UBAP1L: variants seen among roughly 807,000 people sequenced by gnomAD.
UBAP1L encodes the protein ubiquitin associated protein 1 like, also known as ubiquitin-associated protein 1-like.
In UBAP1L, 32 loss-of-function variants were observed where a neutral mutation model predicts 32.1. The ratio of observed to expected loss-of-function variants is 1.00; its 90% CI spans 0.75 to 1.34. UBAP1L has a LOEUF of 1.34. Ranked by LOEUF, UBAP1L falls within the 40% of genes most tolerant of loss-of-function variation. The pLI is 0.00. For synonymous variants in UBAP1L, 243 were observed against 250.2 expected (o/e 0.97, Z 0.27); for missense variants, 516 against 540.5 (o/e 0.95, Z 0.45).
chr15:65,102,535 C>T lies in UBAP1L; in HGVS notation c.270G>A (p.Ala90=). Residue 90 remains alanine (A), a synonymous_variant, in exon 3 of 6, where the codon GCG becomes GCA. Transcript: ENST00000559089. This position sits in a 1 kb window ranked among gnomAD's most constrained non-coding sequence, Gnocchi z 5.0. ...LVSPEHGLAP[A]PTTIRDPEAG... The stretch of plus-strand genomic sequence containing the variant: ...CCTCCGGGTCTCTGATTGTGGTGGG[C>T]GCAGGCGCCAGCCCATGTTCGGGGC... The T allele has an allele frequency of 6.6e-7, 1 of 1,512,316 alleles. No homozygotes were observed. Among genetic ancestry groups the T allele is most frequent in the Non-Finnish European group, 8.9e-7 (1 of 1,129,654 alleles). The allele number at this position is 1,512,316 out of a possible 1,614,324, so 93.7% of individuals were successfully genotyped here. A position where few individuals can be genotyped will look rare whatever the true frequency, so the allele number is the denominator to read the frequency against.
chr15:65,107,969 C>G (rs2087335262), intron 1 of UBAP1L, among the ~76,000 whole-genome samples: 1 of 147,870 alleles, frequency 6.8e-6, no homozygotes, highest in South Asian at 2.1e-4. Context: ...AATTCCATCA[C>G]TTTTTTTTTT....
At chr15:65,114,859 CA>C (rs1168613375) in intron 1 of UBAP1L, among the ~76,000 whole-genome samples, 1 of 152,146 alleles carries the variant, frequency 6.6e-6, no homozygotes, top group Admixed American at 6.6e-5. Flanking sequence ...TTCCAAAAGG[CA>C]AATGAACTCT....
intron 1 of UBAP1L, among the ~76,000 whole-genome samples, chr15:65,110,814 A>C (rs899143913): frequency 5.9e-5 from 9 of 152,140 alleles, no homozygotes; most frequent in Admixed American, 5.2e-4. Flanking sequence ...TTTTGCAAAC[A>C]ATCAGGGATT....
intron 4 of UBAP1L, chr15:65,097,514 C>A (rs1367166976): frequency 6.6e-6 from 1 of 152,304 alleles, no homozygotes; most frequent in Non-Finnish European, 1.5e-5. Context: ...CAGCTGGCCT[C>A]AACCCCAGTG....
chr15:65,104,816 G>A (rs1271027008), intron 2 of UBAP1L: 2 of 275,200 alleles, frequency 7.3e-6, no homozygotes, highest in Non-Finnish European at 7.4e-6. Context: ...GACCATCCTG[G>A]CCAACATAGT....
Position 65,106,298 on chromosome 15 carries a change from G to C in UBAP1L, c.-83C>G. ...AGAGAGAGTCGAGTCCTGAGGACCA[G>C]GCTCAGGCCTCAAATGGCCTCACTG... is the stretch of plus-strand genomic sequence containing the variant. On this transcript the variant is annotated 5_prime_UTR_variant, in exon 2 of 6. Coordinates refer to ENST00000559089, the MANE Select transcript of UBAP1L (RefSeq NM_001163692.2). The C allele has an allele frequency of 1.4e-6, 2 of 1,407,976 alleles. No homozygotes were observed. The highest frequency in any genetic ancestry group is 9.2e-7 in the Non-Finnish European group (1 of 1,081,334). 87.2% of individuals were successfully genotyped at this position (1,407,976 alleles called of 1,614,324 possible). A position where few individuals can be genotyped will look rare whatever the true frequency, so the allele number is the denominator to read the frequency against.
intron 4 of UBAP1L, chr15:65,095,498 G>C (rs909130109): frequency 1.3e-5 from 2 of 152,386 alleles, no homozygotes; most frequent in Non-Finnish European, 1.5e-5. Flanking sequence ...CATGGTGGCA[G>C]AAGGAGCTCA....
chr15:65,094,677 C>T lies in UBAP1L; in HGVS notation c.910-101G>A. 1 of 867,790 alleles carries T rather than the reference C, an allele frequency of 1.2e-6. No individual in the cohort carries two copies. The highest frequency in any genetic ancestry group is 1.9e-6 in the Non-Finnish European group (1 of 534,662). The allele number at this position is 867,790 out of a possible 1,614,324, so 53.8% of individuals were successfully genotyped here. On this transcript the variant is annotated intron_variant, in intron 4 of 5. Transcript: ENST00000559089. The surrounding 1 kb of genome is among the most constrained non-coding windows in gnomAD (Gnocchi z 4.2). ...CCAAGGGCCTGAGCTGAGGGCCAGG[C>T]AACAGGGCAAGCCACCACCTGCAGC...
intron 1 of UBAP1L, among the ~76,000 whole-genome samples, chr15:65,113,950 G>A (rs1041617224): frequency 6.6e-6 from 1 of 151,852 alleles, no homozygotes; most frequent in African/African-American, 2.4e-5. Context: ...GCAGTGGCTC[G>A]ATCTCAGCTC....
At position 65,093,072 on chromosome 15, in the gene UBAP1L, C is replaced by A; in HGVS notation, c.*25G>T. On this transcript the variant is annotated 3_prime_UTR_variant, in exon 6 of 6. Coordinates refer to ENST00000559089, the MANE Select transcript of UBAP1L (RefSeq NM_001163692.2). ...AGGTCTGGCATTGGGCCTAGATGCC[C>A]AGGCATCGTGGAGTGCCTCCGTGGT... 1.9e-6 allele frequency: 3 copies of A among 1,538,486 alleles called. No individual in the cohort carries two copies. The highest frequency in any genetic ancestry group is 1.2e-5 in the South Asian group (1 of 83,308).
intron 1 of UBAP1L, among the ~76,000 whole-genome samples, chr15:65,114,866 A>G (rs1391642174): frequency 2.0e-5 from 3 of 152,212 alleles, no homozygotes. Context: ...AGGCAAATGA[A>G]CTCTGCAATG....
intron 1 of UBAP1L, among the ~76,000 whole-genome samples, chr15:65,113,026 A>G (rs930317061): frequency 9.2e-5 from 14 of 152,174 alleles, no homozygotes; most frequent in African/African-American, 2.7e-4. Context: ...CTTTATTATT[A>G]TAATTCTGTT....
chr15:65,111,656 TG>T (rs1031108033), intron 1 of UBAP1L, among the ~76,000 whole-genome samples: 86 of 141,562 alleles, frequency 6.1e-4, no homozygotes, highest in African/African-American at 2.3e-3. Flanking sequence ...GGCTAATTTT[TG>T]TATCTGTAGT....
chr15:65,107,041 GAAT>G (rs1402162135), intron 1 of UBAP1L, among the ~76,000 whole-genome samples: 2 of 152,030 alleles, frequency 1.3e-5, no homozygotes, highest in Non-Finnish European at 2.9e-5. Flanking sequence ...ATTATGGGTA[GAAT>G]AATATAACAC....
chr15:65,093,972 C>CG (rs1285929596), intron 5 of UBAP1L, among the ~76,000 whole-genome samples: 1 of 152,144 alleles, frequency 6.6e-6, no homozygotes, highest in Admixed American at 6.5e-5. Context: ...GCTTGAACCT[C>CG]GGGGGCAGAG....
Position 65,102,037 on chromosome 15 carries a change from G to T in UBAP1L, c.699+69C>A, listed in dbSNP as rs1022063581. On this transcript the variant is annotated intron_variant, in intron 3 of 5. Transcript: ENST00000559089. This position sits in a 1 kb window ranked among gnomAD's most constrained non-coding sequence, Gnocchi z 5.0. Reference sequence around the variant, plus strand: ...GTAGGGGACCGAGGCTGCGGGCTGGGCTGGACACCCAGATTATGGGGCCTG... The same window carrying T: ...GTAGGGGACCGAGGCTGCGGGCTGGTCTGGACACCCAGATTATGGGGCCTG... The T allele has an allele frequency of 2.9e-6, 2 of 700,096 alleles. No homozygotes were observed. The highest frequency in any genetic ancestry group is 1.9e-5 in the African/African-American group (1 of 53,302). 43.4% of individuals were successfully genotyped at this position (700,096 alleles called of 1,614,324 possible).
In UBAP1L at chr15:65,094,938, A is replaced by G. The variant is rs944513843; in HGVS notation, c.910-362T>C. On this transcript the variant is annotated intron_variant, in intron 4 of 5. Transcript: ENST00000559089. This position sits in a 1 kb window ranked among gnomAD's most constrained non-coding sequence, Gnocchi z 4.2. ...GCAATTCAACATTCATGCACCACCCACCCCTGTCTGGGAGCACCCATTCGT... is the reference window on the plus strand; with the variant it reads ...GCAATTCAACATTCATGCACCACCCGCCCCTGTCTGGGAGCACCCATTCGT... 1 of 295,068 alleles carries G rather than the reference A, an allele frequency of 3.4e-6. No homozygotes were observed. The highest frequency in any genetic ancestry group is 6.6e-6 in the Non-Finnish European group (1 of 150,956). 18.3% of individuals were successfully genotyped at this position (295,068 alleles called of 1,614,324 possible).
intron 4 of UBAP1L, chr15:65,096,747 C>T (rs1322343449): frequency 6.6e-6 from 1 of 152,344 alleles, no homozygotes; most frequent in Non-Finnish European, 1.5e-5. Context: ...ACATGGCACC[C>T]ATGCCTGTCC....
intron 1 of UBAP1L, among the ~76,000 whole-genome samples, chr15:65,110,523 C>CAA (rs75317473): frequency 7.7e-6 from 1 of 130,718 alleles, no homozygotes; most frequent in African/African-American, 2.8e-5. Flanking sequence ...ACTAAAAATA[C>CAA]AAAAAAAAAA....
Sources: gnomAD v4.1 joint callset for allele counts (sites outside exome capture counted in the v4.1 genomes callset) on GRCh38, gnomAD v4.1.1 for gene constraint, Gnocchi (gnomAD v3.1) non-coding constraint, MANE v1.5 for transcripts, NCBI Gene and HGNC (gene_info 2026-07-23, HGNC 2026-07-21) for gene names.